SUGCT: variants seen among roughly 807,000 people sequenced by gnomAD.
SUGCT encodes the protein succinyl-CoA:glutarate CoA-transferase.
In SUGCT, 41 loss-of-function variants were observed where a neutral mutation model predicts 55.0. That is an observed-to-expected ratio of 0.74 (90% CI 0.58 to 0.97). SUGCT has a LOEUF of 0.97. SUGCT is among the 50% of genes least tolerant of loss of function. The pLI is 0.00. For synonymous variants in SUGCT, 187 were observed against 200.4 expected (o/e 0.93, Z 0.56); for missense variants, 568 against 547.8 (o/e 1.04, Z -0.37).
chr7:40,970,070 G>C, the SUGCT span, among the ~76,000 whole-genome samples: 1 of 152,142 alleles, frequency 6.6e-6, no homozygotes, highest in African/African-American at 2.4e-5. Context: ...AATATTGATG[G>C]CAATACAATG....
chr7:40,417,732 A>G (rs372405448), intron 9 of SUGCT, among the ~76,000 whole-genome samples: 4 of 110,528 alleles, frequency 3.6e-5, no homozygotes, highest in African/African-American at 1.3e-4. Context: ...TATTCATGCT[A>G]TTAATTATAT....
chr7:40,400,452 A>G (rs997184232), intron 9 of SUGCT, among the ~76,000 whole-genome samples: 1 of 152,174 alleles, frequency 6.6e-6, no homozygotes, highest in Non-Finnish European at 1.5e-5. Flanking sequence ...TCCTTTTAAT[A>G]TAATGATTTC....
At chr7:40,407,721 A>C (rs528906032) in intron 9 of SUGCT, among the ~76,000 whole-genome samples, 1 of 152,196 alleles carries the variant, frequency 6.6e-6, no homozygotes, top group South Asian at 2.1e-4. Context: ...GGAATGAATT[A>C]AGAGTCCCCC....
rs545559838 is a variant in SUGCT, at chr7:40,352,514, C to A, written c.816+35659C>A. On this transcript the variant is annotated intron_variant, in intron 9 of 13. Transcript: ENST00000335693. ...TGTCTGTTGTTGCCTTTCTTGTATCCATATGTGCTCAGTGTTTAGCTCCCA... is the reference window on the plus strand; with the variant it reads ...TGTCTGTTGTTGCCTTTCTTGTATCAATATGTGCTCAGTGTTTAGCTCCCA... Among the ~76,000 whole-genome samples, 8 of 152,172 alleles carry A rather than the reference C, an allele frequency of 5.3e-5. 1 individual carries two copies. The East Asian group carries it at 1.4e-3, about 26-fold the overall frequency.
At chr7:40,835,055 C>T (rs533192647) in intron 13 of SUGCT, among the ~76,000 whole-genome samples, 105 of 152,216 alleles carry the variant, frequency 6.9e-4, no homozygotes, top group African/African-American at 2.4e-3. Context: ...AAATGTCTTT[C>T]TTTACTGTCC....
At chr7:40,207,084 A>G (rs569234869) in intron 6 of SUGCT, among the ~76,000 whole-genome samples, 1 of 152,224 alleles carries the variant, frequency 6.6e-6, no homozygotes, top group African/African-American at 2.4e-5. Context: ...CTGTGGTCCC[A>G]TCTCCTTGGG....
At chr7:40,661,524 GA>G (rs977751937) in intron 12 of SUGCT, among the ~76,000 whole-genome samples, 3 of 151,984 alleles carry the variant, frequency 2.0e-5, no homozygotes, top group African/African-American at 7.3e-5. Context: ...TTTTTTCACA[GA>G]AAAACTACTT....
the SUGCT span, among the ~76,000 whole-genome samples, chr7:41,028,470 A>G: frequency 6.6e-6 from 1 of 152,204 alleles, no homozygotes; most frequent in Non-Finnish European, 1.5e-5. Context: ...ATAGTTAGGC[A>G]AAGTCATCGC....
chr7:40,343,877 C>T (rs1184977339), intron 9 of SUGCT, among the ~76,000 whole-genome samples: 1 of 152,092 alleles, frequency 6.6e-6, no homozygotes, highest in South Asian at 2.1e-4. Flanking sequence ...AGGATGGTCT[C>T]GATCTCCTGA....
chr7:40,600,295 A>G (rs927961181), intron 12 of SUGCT, among the ~76,000 whole-genome samples: 1 of 152,178 alleles, frequency 6.6e-6, no homozygotes, highest in Non-Finnish European at 1.5e-5. Flanking sequence ...TGCATCTAAG[A>G]AAGTTACTTC....
chr7:40,455,518 G>A (rs915459327), intron 10 of SUGCT, among the ~76,000 whole-genome samples: 1 of 152,048 alleles, frequency 6.6e-6, no homozygotes, highest in African/African-American at 2.4e-5. Flanking sequence ...AAACAAAAGA[G>A]GCAAACACTA....
At chr7:40,974,815 G>C in the SUGCT span, among the ~76,000 whole-genome samples, 6 of 151,454 alleles carry the variant, frequency 4.0e-5, no homozygotes, top group African/African-American at 1.4e-4. Context: ...AGTACATTAT[G>C]TGTACCAAGT....
At chr7:40,906,122 GTTTTTGT>G in the SUGCT span, among the ~76,000 whole-genome samples, 185 of 150,530 alleles carry the variant, frequency 1.2e-3, no homozygotes, top group Non-Finnish European at 2.8e-4. Context: ...GCTGTTTTTT[GTTTTTGT>G]TTTTTGTTTT....
At chr7:40,275,227 A>G (rs948790704) in intron 8 of SUGCT, among the ~76,000 whole-genome samples, 1 of 152,182 alleles carries the variant, frequency 6.6e-6, no homozygotes, top group Non-Finnish European at 1.5e-5. Flanking sequence ...TTATAAGACA[A>G]GAGATATGGT....
At chr7:40,555,278 T>C (rs1195178612) in intron 12 of SUGCT, among the ~76,000 whole-genome samples, 1 of 149,660 alleles carries the variant, frequency 6.7e-6, no homozygotes, top group East Asian at 1.9e-4. Context: ...CACTCTCTGA[T>C]CAATGAAACC....
intron 12 of SUGCT, among the ~76,000 whole-genome samples, chr7:40,578,603 C>T (rs1007877552): frequency 6.6e-6 from 1 of 151,924 alleles, no homozygotes; most frequent in Non-Finnish European, 1.5e-5. Context: ...AGCTGGGGAA[C>T]ATTTAGAAAA....
the SUGCT span, among the ~76,000 whole-genome samples, chr7:41,020,251 A>C: frequency 6.6e-6 from 1 of 152,338 alleles, no homozygotes; most frequent in South Asian, 2.1e-4. Flanking sequence ...CAGAAGGGTG[A>C]ATGAACAGAT....
chr7:40,921,676 C>T, the SUGCT span, among the ~76,000 whole-genome samples: 1 of 152,026 alleles, frequency 6.6e-6, no homozygotes, highest in African/African-American at 2.4e-5. Context: ...GCTGTCATCT[C>T]CTGCAGAGGC....
the SUGCT span, among the ~76,000 whole-genome samples, chr7:40,917,407 A>G: frequency 6.6e-6 from 1 of 152,220 alleles, no homozygotes; most frequent in African/African-American, 2.4e-5. Context: ...TTAGAGGCTC[A>G]AAGAACAAGA....
Sources: gnomAD v4.1 joint callset for allele counts (sites outside exome capture counted in the v4.1 genomes callset) on GRCh38, gnomAD v4.1.1 for gene constraint, MANE v1.5 for transcripts, NCBI Gene and HGNC (gene_info 2026-07-23, HGNC 2026-07-21) for gene names.